Variants in NEGR1 observed in about 807,000 individuals in gnomAD.
NEGR1 encodes the protein IgLON family member 4.
Under a neutral mutation model 40.9 loss-of-function variants are expected in NEGR1, and 10 were observed. The observed-to-expected ratio is 0.24, with a 90% CI of 0.15 to 0.42. NEGR1 has a LOEUF of 0.42. Among genes scored for constraint, NEGR1 ranks in the 10% least tolerant of loss-of-function variants. The pLI, the probability that NEGR1 is intolerant of heterozygous loss-of-function variation, is 1.00. For synonymous variants in NEGR1, 185 were observed against 166.8 expected (o/e 1.11, Z -0.84); for missense variants, 352 against 438.9 (o/e 0.80, Z 1.77).
In NEGR1 at chr1:71,905,140, G is replaced by C. The variant is rs145169919; in HGVS notation, c.409+29939C>G. ...ATCCACTGTTTTGGTTGAGATATCT[G>C]GAAAAATACTTGAAGTGTCAATTAT... On this transcript the variant is annotated intron_variant, in intron 2 of 6. Transcript: ENST00000357731. 5.7e-3 allele frequency among the ~76,000 whole-genome samples: 872 copies of C among 152,006 alleles called. 4 individuals are homozygous for C. Among genetic ancestry groups the C allele is most frequent in the African/African-American group, 0.02 (824 of 41,470 alleles).
rs761923913 is a variant in NEGR1 at position 71,592,956 on chromosome 1, G to C, written c.801C>G (p.Gly267=). 20 of 1,610,002 alleles carry C rather than the reference G, an allele frequency of 1.2e-5. No individual in the cohort carries two copies. The highest frequency in any genetic ancestry group is 1.6e-5 in the Non-Finnish European group (19 of 1,176,502). ...WYKGEKKLFN[G]QQGIIIQNFS... is the part of the protein sequence containing the mutation. ...AATTTTGAATAATAATTCCTTGTTG[G>C]CCATTGAAGAGCCTAGAAGACAAAA... The change falls in exon 6 of 7, where the codon GGC becomes GGG. Residue 267 remains glycine, a synonymous_variant. Transcript: ENST00000357731.
intron 6 of NEGR1, among the ~76,000 whole-genome samples, chr1:71,512,812 C>T (rs1647085102): frequency 6.6e-6 from 1 of 151,834 alleles, no homozygotes; most frequent in Non-Finnish European, 1.5e-5. Context: ...GAACTCCTGA[C>T]CTTGTGATCC....
chr1:71,443,939 A>C (rs1646564499), intron 6 of NEGR1, among the ~76,000 whole-genome samples: 1 of 152,284 alleles, frequency 6.6e-6, no homozygotes, highest in East Asian at 1.9e-4. Context: ...TTACATTGTA[A>C]AGAATTGTTG....
chr1:71,662,028 C>A (rs1652074106), intron 4 of NEGR1, among the ~76,000 whole-genome samples: 1 of 152,142 alleles, frequency 6.6e-6, no homozygotes, highest in Non-Finnish European at 1.5e-5. Context: ...TTGTTAGCAC[C>A]ATGTCTGGCA....
intron 4 of NEGR1, among the ~76,000 whole-genome samples, chr1:71,611,870 C>T (rs1200945491): frequency 1.3e-5 from 2 of 152,166 alleles, no homozygotes; most frequent in Non-Finnish European, 2.9e-5. Context: ...AAAAAGTTTC[C>T]CCGCCTCTGA....
At chr1:71,997,397 T>C (rs557791651) in intron 1 of NEGR1, among the ~76,000 whole-genome samples, 81 of 152,150 alleles carry the variant, frequency 5.3e-4, no homozygotes, top group African/African-American at 1.9e-3. Flanking sequence ...CCAATTATAC[T>C]GCAATGCCCT....
chr1:71,718,745 A>G (rs1451999715), intron 3 of NEGR1, among the ~76,000 whole-genome samples: 2 of 152,154 alleles, frequency 1.3e-5, no homozygotes, highest in Non-Finnish European at 2.9e-5. Flanking sequence ...TTTTCTCTAG[A>G]AAAAAATTAC....
At chr1:72,149,745 A>G (rs1651045623) in intron 1 of NEGR1, among the ~76,000 whole-genome samples, 1 of 151,642 alleles carries the variant, frequency 6.6e-6, no homozygotes, top group Admixed American at 6.6e-5. Flanking sequence ...AGCCGGGCAT[A>G]GTGGCACATG....
chr1:72,143,882 T>TTA, intron 1 of NEGR1, among the ~76,000 whole-genome samples: 1 of 107,696 alleles, frequency 9.3e-6, no homozygotes, highest in African/African-American at 3.4e-5. Flanking sequence ...TATCATATAT[T>TTA]CATATATATA....
chr1:72,006,348 C>T (rs893970960), intron 1 of NEGR1, among the ~76,000 whole-genome samples: 5 of 152,038 alleles, frequency 3.3e-5, no homozygotes, highest in South Asian at 4.1e-4. Flanking sequence ...TTCTGGACCA[C>T]GTAGGTATAG....
chr1:71,706,605 A>T (rs1653909978), intron 3 of NEGR1, among the ~76,000 whole-genome samples: 1 of 149,670 alleles, frequency 6.7e-6, no homozygotes, highest in Non-Finnish European at 1.5e-5. Context: ...CTGCTTGAGG[A>T]GAGGAGAATA....
chr1:72,165,234 G>T (rs115673895), intron 1 of NEGR1, among the ~76,000 whole-genome samples: 1,975 of 152,078 alleles, frequency 0.013, 44 homozygotes, highest in African/African-American at 0.046. Flanking sequence ...AATTACAGTG[G>T]TCACAAATGT....
At chr1:72,015,937 G>A (rs765572476) in intron 1 of NEGR1, among the ~76,000 whole-genome samples, 17 of 152,050 alleles carry the variant, frequency 1.1e-4, no homozygotes, top group Non-Finnish European at 2.2e-4. Flanking sequence ...AAACATGAAC[G>A]CAAATCTAGG....
chr1:71,468,544 T>C (rs1646761022), intron 6 of NEGR1: 1 of 151,930 alleles, frequency 6.6e-6, no homozygotes, highest in Non-Finnish European at 1.5e-5. Context: ...ATGTACTTCA[T>C]TACAGGGCAC....
At chr1:71,497,464 A>G (rs754107110) in intron 6 of NEGR1, among the ~76,000 whole-genome samples, 11 of 152,104 alleles carry the variant, frequency 7.2e-5, no homozygotes, top group Non-Finnish European at 1.5e-4. Flanking sequence ...CTTTTTTCTA[A>G]GACAATTTAA....
At chr1:72,013,416 A>AG (rs1442317671) in intron 1 of NEGR1, among the ~76,000 whole-genome samples, 1 of 152,114 alleles carries the variant, frequency 6.6e-6, no homozygotes, top group Non-Finnish European at 1.5e-5. Context: ...GTTCTGGGAG[A>AG]GATCAGAGAG....
chr1:71,780,278 T>C (rs1449373093), intron 2 of NEGR1, among the ~76,000 whole-genome samples: 1 of 152,190 alleles, frequency 6.6e-6, no homozygotes, highest in Non-Finnish European at 1.5e-5. Flanking sequence ...GTACTTTAAG[T>C]ACTTATGACC....
chr1:71,584,719 G>T (rs1393495921), intron 6 of NEGR1, among the ~76,000 whole-genome samples: 2 of 152,128 alleles, frequency 1.3e-5, no homozygotes, highest in Non-Finnish European at 2.9e-5. Flanking sequence ...TGCTGGGAAA[G>T]AAATATCTCA....
chr1:71,597,470 CTCTG>C (rs1221543496), intron 5 of NEGR1, among the ~76,000 whole-genome samples: 892 of 24,768 alleles, frequency 0.036, 7 homozygotes, highest in East Asian at 0.15. Context: ...CTCTCTCTCT[CTCTG>C]TGTGTGTGTG....
Sources: allele counts gnomAD v4.1 joint callset (sites outside exome capture counted in the v4.1 genomes callset), GRCh38; gene constraint gnomAD v4.1.1; transcripts MANE v1.5; gene names NCBI Gene and HGNC (gene_info 2026-07-23, HGNC 2026-07-21).